Variants in SYNJ1 observed in about 807,000 individuals in gnomAD.
The protein encoded by SYNJ1 is synaptojanin 1, also known as polyphosphatidylinositol phosphatase SYNJ1.
SYNJ1 carries 78 observed loss-of-function variants against 168.2 expected under a neutral mutation model. The ratio of observed to expected loss-of-function variants is 0.46; its 90% CI spans 0.39 to 0.56. SYNJ1 has a LOEUF of 0.56. Ranked by LOEUF, SYNJ1 falls within the 20% of genes least tolerant of loss-of-function variation. The pLI is 0.00. For missense variants in SYNJ1, 1,303 were observed against 1,597.6 expected, an observed-to-expected ratio of 0.82 and a Z score of 3.14; for synonymous variants, 539 against 548.6, an observed-to-expected ratio of 0.98 and a Z score of 0.24.
chr21:32,669,081 T>C (rs905017591), intron 15 of SYNJ1, among the ~76,000 whole-genome samples: 5 of 152,240 alleles, frequency 3.3e-5, no homozygotes, highest in Admixed American at 1.3e-4. Context: ...GTCACATCTT[T>C]TTAATATTCT....
chr21:32,653,081 C>T (rs1324316705), intron 22 of SYNJ1, among the ~76,000 whole-genome samples: 2 of 152,172 alleles, frequency 1.3e-5, no homozygotes, highest in East Asian at 3.8e-4. Flanking sequence ...TCTATATCAA[C>T]AGTTAATATC....
chr21:32,725,901 C>G (rs1017966785), intron 2 of SYNJ1, among the ~76,000 whole-genome samples: 2 of 152,224 alleles, frequency 1.3e-5, no homozygotes, highest in South Asian at 2.1e-4. Context: ...AGCGCAGTGG[C>G]GAGATCAAGG....
intron 3 of SYNJ1, among the ~76,000 whole-genome samples, chr21:32,700,515 C>A (rs562402832): frequency 2.0e-5 from 3 of 151,956 alleles, no homozygotes; most frequent in African/African-American, 7.2e-5. Context: ...ACTAGCTGGG[C>A]GTGGTGGTGC....
chr21:32,667,082 G>A (rs1356418408), intron 15 of SYNJ1, among the ~76,000 whole-genome samples: 1 of 147,416 alleles, frequency 6.8e-6, no homozygotes, highest in Admixed American at 6.8e-5. Context: ...AGGGAATAAC[G>A]ATACAAAAAA....
chr21:32,640,850 G>A (rs1569029342), intron 29 of SYNJ1, among the ~76,000 whole-genome samples: 1 of 152,248 alleles, frequency 6.6e-6, no homozygotes, highest in East Asian at 1.9e-4. Flanking sequence ...GTTTGCTGAA[G>A]GATCTAAGCT....
At chr21:32,642,432 C>T (rs112609077) in intron 27 of SYNJ1, among the ~76,000 whole-genome samples, 14 of 152,336 alleles carry the variant, frequency 9.2e-5, no homozygotes, top group African/African-American at 3.1e-4. Context: ...AGAACTCTCT[C>T]GTGAACCTTG....
intron 12 of SYNJ1, 49 bp from the exon 13 acceptor site, chr21:32,676,404 TACAATTA>T: frequency 2.5e-6 from 4 of 1,574,850 alleles, no homozygotes; most frequent in Non-Finnish European, 3.5e-6. Context: ...AAAAACAAGT[TACAATTA>T]AAATGTTGAG....
chr21:32,701,544 C>CA (rs113945632), intron 3 of SYNJ1, among the ~76,000 whole-genome samples: 1,140 of 105,046 alleles, frequency 0.011, 5 homozygotes, highest in African/African-American at 0.028. Flanking sequence ...CATTACGTGG[C>CA]AAAAAAAAAA....
chr21:32,678,573 G>T, intron 12 of SYNJ1, 72 bp downstream of exon 12: 1 of 1,441,176 alleles, frequency 6.9e-7, no homozygotes, highest in South Asian at 1.6e-5. Context: ...AAAATTCTGT[G>T]TAAATAAGTT....
chr21:32,728,352 C>G, upstream of SYNJ1: 1 of 282,470 alleles, frequency 3.5e-6, no homozygotes, highest in Non-Finnish European at 6.7e-6. Flanking sequence ...CCAAGCTGGG[C>G]GTCAGGACCA....
rs770045164 is a variant in SYNJ1, at chr21:32,631,086, G to C, written c.*719C>G. ...AGGGCTGGTGCCGGGCGGGAGCAGA[G>C]GGACAGGAGGTGGAGGAGGTCTTCT... On this transcript the variant is annotated 3_prime_UTR_variant, in exon 33 of 33. Coordinates refer to ENST00000674351, the MANE Select transcript of SYNJ1 (RefSeq NM_203446.3). The C allele has an allele frequency of 9.3e-6, 15 of 1,614,102 alleles. 1 individual carries two copies. The Admixed American group carries it at 2.3e-4, about 25-fold the overall frequency.
intron 11 of SYNJ1, 151 bp from the exon 12 acceptor site, chr21:32,678,952 A>G: frequency 1.0e-6 from 1 of 997,858 alleles, no homozygotes; most frequent in Non-Finnish European, 1.4e-6. Context: ...AGTCATGACA[A>G]TTAAAATGCC....
Position 32,685,743 on chromosome 21 carries a change from C to CA in SYNJ1, c.1118+4dup. On this transcript the variant is annotated splice_donor_region_variant and intron_variant, in intron 9 of 32. Transcript: ENST00000674351. ...TCAAAGAACAGAGAAACAGAACAGT[C>CA]AAACCTTTGAACTTCACTTCCATTG... The CA allele has an allele frequency of 6.3e-7, 1 of 1,589,890 alleles. No homozygotes were observed. Among genetic ancestry groups the CA allele is most frequent in the Non-Finnish European group, 8.5e-7 (1 of 1,171,196 alleles).
At chr21:32,711,589 C>T (rs548496078) in intron 2 of SYNJ1, among the ~76,000 whole-genome samples, 64 of 152,328 alleles carry the variant, frequency 4.2e-4, no homozygotes, top group African/African-American at 1.5e-3. Context: ...CTCAGCCTCC[C>T]AGAGTGCTGG....
intron 31 of SYNJ1, 122 bp from the exon 32 acceptor site, chr21:32,635,006 C>T: frequency 1.1e-6 from 1 of 932,204 alleles, no homozygotes; most frequent in Non-Finnish European, 1.7e-6. Context: ...CCAAGAGCAG[C>T]AATATTTGCA....
At position 32,699,978 on chromosome 21, in the gene SYNJ1, C is replaced by A; in HGVS notation, c.339G>T (p.Glu113Asp). ...CTTTCCGCACTTCTGAAATGCGATC[C>A]TCATCTGAAGAATCGATTCGCAGTG... ...FISLRIDSSD[E>D]DRISEVRKVL... is the part of the protein sequence containing the mutation. Residue 113 changes from glutamate (E) to aspartate (D), a missense_variant, in exon 4 of 33, where the codon GAG becomes GAT. Glu to Asp is a conservative substitution (Grantham distance 45). This residue lies in a region of SYNJ1 where 920 missense variants were observed against 1,208.8 expected (regional missense o/e 0.76). Transcript: ENST00000674351. The A allele has an allele frequency of 6.2e-7, 1 of 1,614,144 alleles. No homozygotes were observed. Among genetic ancestry groups the A allele is most frequent in the Non-Finnish European group, 8.5e-7 (1 of 1,180,018 alleles).
chr21:32,667,810 T>C (rs777096314), intron 15 of SYNJ1, among the ~76,000 whole-genome samples: 4 of 152,170 alleles, frequency 2.6e-5, no homozygotes, highest in Non-Finnish European at 5.9e-5. Context: ...CTCTTTTCCA[T>C]TGCACTTTTC....
At position 32,699,882 on chromosome 21, in the gene SYNJ1, C is replaced by T. The variant is rs151248057; in HGVS notation, c.435G>A (p.Ala145=). Residue 145 remains alanine (A), a synonymous_variant, in exon 4 of 33, where the codon GCG becomes GCA. Coordinates refer to ENST00000674351, the MANE Select transcript of SYNJ1 (RefSeq NM_203446.3). ...SGISLDLSLN[A]HRSMQEQTTD... ...TTGTCTGTTCTTGCATGCTACGATG[C>T]GCATTAAGACTCAAATCTAAACTGA... The T allele has an allele frequency of 3.4e-5, 55 of 1,613,978 alleles. No individual in the cohort carries two copies. The African/African-American group carries it at 4.5e-4, about 13-fold the overall frequency.
Position 32,639,144 on chromosome 21 carries a change from T to C in SYNJ1, c.3698-19A>G, listed in dbSNP as rs2039713251. The C allele has an allele frequency of 1.2e-6, 2 of 1,604,622 alleles. No homozygotes were observed. Among genetic ancestry groups the C allele is most frequent in the African/African-American group, 1.3e-5 (1 of 74,560 alleles). On this transcript the variant is annotated intron_variant, in intron 30 of 32. Coordinates refer to ENST00000674351, the MANE Select transcript of SYNJ1 (RefSeq NM_203446.3). ...GTTGAACCTAAAAAACCAGTGGTTG[T>C]CAGATGTTAGGTATATTCTAGAAAA...
Sources: gnomAD v4.1 joint callset for allele counts (sites outside exome capture counted in the v4.1 genomes callset) on GRCh38, gnomAD v4.1.1 for gene constraint, gnomAD v4.1.1 regional missense constraint, MANE v1.5 for transcripts, NCBI Gene and HGNC (gene_info 2026-07-23, HGNC 2026-07-21) for gene names.